The following ARSB variants were observed in gnomAD, a reference collection of about 807,000 sequenced individuals.
ARSB encodes the protein arylsulfatase B, also known as N-acetylgalactosamine-4-sulfatase.
In ARSB, 41 loss-of-function variants were observed where a neutral mutation model predicts 50.9. The ratio of observed to expected loss-of-function variants is 0.81; its 90% confidence interval spans 0.63 to 1.04. The LOEUF (loss-of-function observed/expected upper bound fraction) is 1.04. ARSB is among the 50% of genes least tolerant of loss of function. The pLI is 0.00. For missense variants in ARSB, 672 were observed against 693.3 expected (o/e 0.97, Z 0.35); for synonymous variants, 269 against 284.8 (o/e 0.94, Z 0.56).
chr5:78,806,285 GTATA>G (rs1743560283), intron 6 of ARSB, among the ~76,000 whole-genome samples: 2 of 152,184 alleles, frequency 1.3e-5, no homozygotes, highest in South Asian at 4.1e-4. Context: ...TGTAACAACT[GTATA>G]CCTGAAGGAT....
chr5:78,902,926 T>C (rs917821358), intron 4 of ARSB, among the ~76,000 whole-genome samples: 35 of 152,300 alleles, frequency 2.3e-4, no homozygotes, highest in Middle Eastern at 6.8e-3. Context: ...GTATATGAAT[T>C]ATATCTCAAT....
chr5:78,984,771 G>A (rs1753075758), intron 1 of ARSB, among the ~76,000 whole-genome samples, 166 bp downstream of exon 1: 1 of 151,964 alleles, frequency 6.6e-6, no homozygotes, highest in Admixed American at 6.6e-5. Flanking sequence ...GCGGGCTGCC[G>A]GCCTGGAAGA....
chr5:78,978,604 A>G (rs1384122919), intron 1 of ARSB, among the ~76,000 whole-genome samples: 1 of 152,172 alleles, frequency 6.6e-6, no homozygotes, highest in Non-Finnish European at 1.5e-5. Context: ...TAATTCTGAA[A>G]CCTTTGTAAT....
chr5:78,964,558 A>G lies in ARSB; in HGVS notation c.548T>C (p.Leu183Ser). ...EDYYSHERCT[L>S]IDALNVTRCA... ...TCGTGTGACATTCAGAGCGTCAATT[A>G]ATGTACAGCGTTCATGGGAATAATA... Residue 183 changes from leucine (L) to serine (S), a missense_variant, in exon 3 of 8, where the codon TTA (leucine) becomes TCA (serine). Coordinates refer to ENST00000264914, the MANE Select transcript of ARSB (RefSeq NM_000046.5). The G allele has an allele frequency of 6.2e-7, 1 of 1,613,992 alleles. No homozygotes were observed. Among genetic ancestry groups the G allele is most frequent in the Non-Finnish European group, 8.5e-7 (1 of 1,179,930 alleles).
chr5:78,841,805 T>C (rs1031080190), intron 5 of ARSB, among the ~76,000 whole-genome samples: 6 of 152,228 alleles, frequency 3.9e-5, no homozygotes, highest in Non-Finnish European at 7.3e-5. Flanking sequence ...ATAATCCTAG[T>C]TGATTGTTAG....
intron 4 of ARSB, among the ~76,000 whole-genome samples, chr5:78,939,723 A>G (rs1750811022): frequency 6.6e-6 from 1 of 152,176 alleles, no homozygotes; most frequent in Non-Finnish European, 1.5e-5. Flanking sequence ...GCTATTGTGA[A>G]TAGTGCCGCA....
At chr5:78,852,880 G>T (rs1745903511) in intron 5 of ARSB, among the ~76,000 whole-genome samples, 1 of 152,050 alleles carries the variant, frequency 6.6e-6, no homozygotes, top group South Asian at 2.1e-4. Context: ...TCTTCATGTA[G>T]TTCTCGAGCC....
intron 5 of ARSB, among the ~76,000 whole-genome samples, chr5:78,854,840 G>T (rs1024243134): frequency 6.6e-6 from 1 of 152,166 alleles, no homozygotes; most frequent in Non-Finnish European, 1.5e-5. Context: ...GGGTAGATTT[G>T]CTGGGTATCG....
chr5:78,780,766 G>T, intron 7 of ARSB, 104 bp from the exon 8 acceptor site: 2 of 1,409,266 alleles, frequency 1.4e-6, no homozygotes, highest in Admixed American at 1.9e-5. Context: ...TGTGGGTGTG[G>T]AAACATAAAA....
intron 4 of ARSB, among the ~76,000 whole-genome samples, chr5:78,905,631 G>A (rs1270473928): frequency 1.3e-5 from 2 of 152,078 alleles, no homozygotes; most frequent in African/African-American, 4.8e-5. Flanking sequence ...TGGTTCACAT[G>A]GCAGTTGAGT....
chr5:78,780,233 G>T lies in ARSB; in HGVS notation c.*164C>A. The T allele has an allele frequency of 1.1e-6, 1 of 890,536 alleles. No homozygotes were observed. Among genetic ancestry groups the T allele is most frequent in the Non-Finnish European group, 1.7e-6 (1 of 572,734 alleles). The allele number at this position is 890,536 out of a possible 1,614,324, so 55.2% of individuals were successfully genotyped here. ...AGCAGGAGTGTTGCAGATTTTATCA[G>T]CTTCTTAAATGCATTAGGGGTTGAA... On this transcript the variant is annotated 3_prime_UTR_variant, in exon 8 of 8. Transcript: ENST00000264914.
intron 4 of ARSB, among the ~76,000 whole-genome samples, chr5:78,943,311 G>C (rs748863932): frequency 3.9e-4 from 60 of 152,312 alleles, no homozygotes; most frequent in Non-Finnish European, 7.2e-4. Context: ...GTGTGAATTT[G>C]ATCCTGTCAT....
intron 6 of ARSB, among the ~76,000 whole-genome samples, chr5:78,819,147 A>G (rs1465097950): frequency 6.6e-6 from 1 of 152,216 alleles, no homozygotes; most frequent in African/African-American, 2.4e-5. Context: ...GTTGCCACTC[A>G]GTCTGCTTCT....
chr5:78,869,853 C>CA (rs1157676799), intron 5 of ARSB, among the ~76,000 whole-genome samples: 14 of 147,356 alleles, frequency 9.5e-5, no homozygotes, highest in African/African-American at 2.0e-4. Flanking sequence ...AAAAACCCTT[C>CA]AAAAAATCAA....
At chr5:78,861,038 C>T (rs537568414) in intron 5 of ARSB, among the ~76,000 whole-genome samples, 10 of 152,156 alleles carry the variant, frequency 6.6e-5, no homozygotes, top group Middle Eastern at 3.4e-3. Flanking sequence ...CCTCGACACA[C>T]ACACCCTCCC....
intron 4 of ARSB, among the ~76,000 whole-genome samples, chr5:78,949,630 C>A (rs1486724688): frequency 6.6e-6 from 1 of 152,212 alleles, no homozygotes; most frequent in Non-Finnish European, 1.5e-5. Flanking sequence ...TTAATACAGG[C>A]TGGGCGTGGT....
At chr5:78,828,145 G>A (rs974300743) in intron 6 of ARSB, among the ~76,000 whole-genome samples, 1 of 151,878 alleles carries the variant, frequency 6.6e-6, no homozygotes, top group African/African-American at 2.4e-5. Context: ...TCCCTAAATA[G>A]AAATAGAAAA....
In ARSB at chr5:78,869,232, C is replaced by A. The variant is rs1024673940; in HGVS notation, c.1142+16352G>T. Among the ~76,000 whole-genome samples, 5 of 102,404 alleles carry A rather than the reference C, an allele frequency of 4.9e-5. 1 individual carries two copies. The highest frequency in any genetic ancestry group is 2.0e-4 in the African/African-American group (5 of 25,532). 67.2% of individuals were successfully genotyped at this position (102,404 alleles called of 152,430 possible). A position where few individuals can be genotyped will look rare whatever the true frequency, so the allele number is the denominator to read the frequency against. On this transcript the variant is annotated intron_variant, in intron 5 of 7. Transcript: ENST00000264914. ...AATAATGGGAGACTTCAATACCCCA[C>A]TGTCAACATTAGACAGATCAACGAG...
At chr5:78,783,521 T>C (rs964137902) in intron 6 of ARSB, 7 of 152,192 alleles carry the variant, frequency 4.6e-5, no homozygotes, top group Admixed American at 2.0e-4. Flanking sequence ...GAGGAAAATA[T>C]TTTTGACTTC....
Sources: gnomAD v4.1 joint callset for allele counts (sites outside exome capture counted in the v4.1 genomes callset) on GRCh38, gnomAD v4.1.1 for gene constraint, MANE v1.5 for transcripts, NCBI Gene and HGNC (gene_info 2026-07-23, HGNC 2026-07-21) for gene names.